Variants in PLEKHM1 observed in about 807,000 individuals in gnomAD.
PLEKHM1 encodes pleckstrin homology domain-containing family M member 1.
Under a neutral mutation model 94.3 loss-of-function variants are expected in PLEKHM1, and 28 were observed. The observed-to-expected ratio is 0.30, with a 90% CI of 0.22 to 0.41. The LOEUF is 0.41. Ranked by LOEUF, PLEKHM1 falls within the 10% of genes least tolerant of loss-of-function variation. The probability of loss-of-function intolerance (pLI) is 1.00; values close to 1 mark genes in which losing one functional copy is unlikely to be tolerated. For missense variants in PLEKHM1, 907 were observed against 1,358.6 expected (o/e 0.67, Z 5.22); for synonymous variants, 424 against 581.2 (o/e 0.73, Z 3.89).
At chr17:45,481,925 G>C (rs965772746) in intron 2 of PLEKHM1, among the ~76,000 whole-genome samples, 1 of 152,160 alleles carries the variant, frequency 6.6e-6, no homozygotes, top group Non-Finnish European at 1.5e-5. Context: ...CAAGAGAACA[G>C]AGAGCTCTAT....
intron 11 of PLEKHM1, 105 bp downstream of exon 11, chr17:45,439,372 A>T (rs1317946): frequency 4.6e-6 from 6 of 1,297,260 alleles, no homozygotes; most frequent in South Asian, 3.7e-5. Flanking sequence ...ATGTTCAATA[A>T]GTTCCTGCCC....
chr17:45,450,120 G>T (rs1195061903), intron 8 of PLEKHM1, among the ~76,000 whole-genome samples: 1 of 117,068 alleles, frequency 8.5e-6, no homozygotes, highest in African/African-American at 3.4e-5. Flanking sequence ...CATCCACCTA[G>T]CCGCCTGCTC....
chr17:45,462,025 C>T (rs2051166684), intron 5 of PLEKHM1, among the ~76,000 whole-genome samples: 1 of 152,262 alleles, frequency 6.6e-6, no homozygotes, highest in Middle Eastern at 3.4e-3. Flanking sequence ...TGTTAAGTGC[C>T]ACTAACCTCA....
chr17:45,445,669 G>A lies in PLEKHM1; in HGVS notation c.2644-6C>T, dbSNP rs767755595. On this transcript the variant is annotated splice_region_variant and splice_polypyrimidine_tract_variant and intron_variant, in intron 8 of 11. Transcript: ENST00000430334. This position sits in a 1 kb window ranked among gnomAD's most constrained non-coding sequence, Gnocchi z 4.2. The stretch of plus-strand genomic sequence containing the variant: ...TTCAGGGCCTGCCTGCAGATCTGGG[G>A]GTACCACCAGGCATTGGGGATGGGA... 6.2e-7 allele frequency: 1 copy of A among 1,613,368 alleles called. No individual in the cohort carries two copies. Among genetic ancestry groups the A allele is most frequent in the Non-Finnish European group, 8.5e-7 (1 of 1,179,722 alleles).
chr17:45,484,963 GA>G (rs2052065126), intron 1 of PLEKHM1, among the ~76,000 whole-genome samples: 5 of 151,254 alleles, frequency 3.3e-5, no homozygotes, highest in Non-Finnish European at 7.4e-5. Flanking sequence ...TCAGGACCCA[GA>G]GCCAACCTCC....
chr17:45,474,318 A>C (rs2051631115), intron 4 of PLEKHM1, among the ~76,000 whole-genome samples: 1 of 152,120 alleles, frequency 6.6e-6, no homozygotes, highest in South Asian at 2.1e-4. Flanking sequence ...TGGCCTCCCA[A>C]GGTGCTGGGA....
intron 5 of PLEKHM1, among the ~76,000 whole-genome samples, chr17:45,462,606 T>C (rs994313276): frequency 2.0e-5 from 3 of 152,148 alleles, no homozygotes; most frequent in Non-Finnish European, 4.4e-5. Context: ...TATTCTGTGC[T>C]TACCCTCATT....
At chr17:45,462,544 C>T (rs928479159) in intron 5 of PLEKHM1, among the ~76,000 whole-genome samples, 43 of 152,010 alleles carry the variant, frequency 2.8e-4, no homozygotes, top group African/African-American at 1.0e-3. Context: ...TCCCCAGCCT[C>T]CACCCCTTCC....
chr17:45,461,637 C>T (rs1339141686), intron 5 of PLEKHM1, among the ~76,000 whole-genome samples: 2 of 152,100 alleles, frequency 1.3e-5, no homozygotes, highest in African/African-American at 4.8e-5. Context: ...GTTTCTCAGT[C>T]CTGCTTTTGG....
chr17:45,475,477 A>T lies in PLEKHM1; in HGVS notation c.546T>A (p.Ser182=), dbSNP rs1270291713. 6.2e-7 allele frequency: 1 copy of T among 1,613,018 alleles called. No homozygotes were observed. Among genetic ancestry groups the T allele is most frequent in the East Asian group, 2.2e-5 (1 of 44,884 alleles). Residue 182 remains serine, a synonymous_variant, in exon 4 of 12, where the codon TCT becomes TCA. Coordinates refer to ENST00000430334, the MANE Select transcript of PLEKHM1 (RefSeq NM_014798.3). ...TGAGCGTCCACTCATTTAAGATGGC[A>T]GACTTGTAGGAGAGTTCGAAGGACA... ...TSLSFELSYK[S]AILNEWTLTP...
rs539498298 is a variant in PLEKHM1, at chr17:45,454,117, G to A, written c.1735C>T (p.Leu579=). Reference sequence around the variant, plus strand: ...GGCCCCACAGACTCACAGCGAAGCAGCGAGCAGTTCTCCACACAGGTGTGC... The same window carrying A: ...GGCCCCACAGACTCACAGCGAAGCAACGAGCAGTTCTCCACACAGGTGTGC... ...EEHTCVENCS[L]LRCESVGPAH... Residue 579 remains leucine (L), a synonymous_variant, in exon 7 of 12, where the codon CTG becomes TTG. Coordinates refer to ENST00000430334, the MANE Select transcript of PLEKHM1 (RefSeq NM_014798.3). 11 of 1,614,200 alleles carry A rather than the reference G, an allele frequency of 6.8e-6. No individual in the cohort carries two copies. In the East Asian group the frequency reaches 2.2e-4, roughly 33 times the overall value.
chr17:45,473,330 T>G (rs1221276863), intron 4 of PLEKHM1, among the ~76,000 whole-genome samples: 2 of 152,098 alleles, frequency 1.3e-5, no homozygotes, highest in Non-Finnish European at 2.9e-5. Context: ...GGCTCACGCC[T>G]GTAATCCCCA....
intron 9 of PLEKHM1, among the ~76,000 whole-genome samples, chr17:45,442,086 A>G (rs115688823): frequency 0.031 from 4,711 of 152,126 alleles, 219 homozygotes; most frequent in African/African-American, 0.1. Flanking sequence ...TGGTGGGTGG[A>G]CAGGGTGTGG....
At position 45,490,674 on chromosome 17, in the gene PLEKHM1, G is replaced by T. The variant is rs1469933187; in HGVS notation, c.-64C>A. 2.2e-6 allele frequency: 1 copy of T among 450,818 alleles called. No homozygotes were observed. The highest frequency in any genetic ancestry group is 4.5e-6 in the Non-Finnish European group (1 of 224,672). 27.9% of individuals were successfully genotyped at this position (450,818 alleles called of 1,614,324 possible). A position where few individuals can be genotyped will look rare whatever the true frequency, so the allele number is the denominator to read the frequency against. ...CACCAAGCGGAGCGAGGAGCGAGGCGAGGGGCGCTCCCGGCCGCGGCAGCC... is the reference window on the plus strand; with the variant it reads ...CACCAAGCGGAGCGAGGAGCGAGGCTAGGGGCGCTCCCGGCCGCGGCAGCC... On this transcript the variant is annotated 5_prime_UTR_variant, in exon 1 of 12. Coordinates refer to ENST00000430334, the MANE Select transcript of PLEKHM1 (RefSeq NM_014798.3).
At chr17:45,486,205 A>C (rs989533733) in intron 1 of PLEKHM1, among the ~76,000 whole-genome samples, 3 of 147,154 alleles carry the variant, frequency 2.0e-5, no homozygotes, top group African/African-American at 7.5e-5. Context: ...CGACAGAGAG[A>C]GACTCCGTCT....
chr17:45,483,141 G>A (rs1598008192), intron 1 of PLEKHM1, among the ~76,000 whole-genome samples: 1 of 151,888 alleles, frequency 6.6e-6, no homozygotes, highest in Admixed American at 6.6e-5. Context: ...AGACAGGGAC[G>A]TGTCTAACCG....
At chr17:45,461,781 T>C (rs1395777976) in intron 5 of PLEKHM1, among the ~76,000 whole-genome samples, 1 of 152,150 alleles carries the variant, frequency 6.6e-6, no homozygotes, top group Non-Finnish European at 1.5e-5. Context: ...GTTGTTCTCT[T>C]TTGAATCTGA....
chr17:45,481,297 A>G (rs1208539993), intron 2 of PLEKHM1, among the ~76,000 whole-genome samples: 2 of 151,962 alleles, frequency 1.3e-5, no homozygotes, highest in African/African-American at 4.8e-5. Flanking sequence ...CATTCTGGAT[A>G]CTAGACCCTT....
chr17:45,435,760 C>T, downstream of PLEKHM1: 1 of 360,488 alleles, frequency 2.8e-6, no homozygotes, highest in Non-Finnish European at 5.4e-6. Context: ...CCTCTGCCTA[C>T]AAGTGTTTGC....
Sources: allele counts gnomAD v4.1 joint callset (sites outside exome capture counted in the v4.1 genomes callset), GRCh38; gene constraint gnomAD v4.1.1; non-coding constraint Gnocchi (gnomAD v3.1); transcripts MANE v1.5; gene names NCBI Gene and HGNC (gene_info 2026-07-23, HGNC 2026-07-21).